Variants in NRG1 observed in about 807,000 individuals in gnomAD.
The protein encoded by NRG1 is neuregulin 1.
Under a neutral mutation model 63.8 loss-of-function variants are expected in NRG1, and 18 were observed. The ratio of observed to expected loss-of-function variants is 0.28; its 90% CI spans 0.19 to 0.42. The LOEUF is 0.42. Among genes scored for constraint, NRG1 ranks in the 10% least tolerant of loss-of-function variants. The pLI, the probability that NRG1 is intolerant of heterozygous loss-of-function variation, is 1.00. For synonymous variants in NRG1, 302 were observed against 301.3 expected (o/e 1.00, Z -0.02); for missense variants, 762 against 814.7 (o/e 0.94, Z 0.79).
chr8:31,934,315 GTATATATATGTGTGTGTATATATACA>G (rs1835105636), intron 1 of NRG1, among the ~76,000 whole-genome samples: 1 of 149,988 alleles, frequency 6.7e-6, no homozygotes, highest in Non-Finnish European at 1.5e-5. Flanking sequence ...GTACATGTGT[GTATATATATGTGTGTGTATATATACA>G]TATATATGTG....
chr8:32,682,999 A>C (rs1809100261), intron 5 of NRG1, among the ~76,000 whole-genome samples: 4 of 152,162 alleles, frequency 2.6e-5, no homozygotes, highest in Admixed American at 2.6e-4. Context: ...AAATACTATC[A>C]CAGCCATTTA....
intron 1 of NRG1, among the ~76,000 whole-genome samples, chr8:32,055,748 C>A (rs527717440): frequency 4.0e-5 from 6 of 150,544 alleles, no homozygotes; most frequent in Non-Finnish European, 8.8e-5. Flanking sequence ...TATCTTTTAA[C>A]TCAGAGGTAT....
At chr8:31,966,161 A>T (rs1414100106) in intron 1 of NRG1, among the ~76,000 whole-genome samples, 1 of 152,204 alleles carries the variant, frequency 6.6e-6, no homozygotes, top group Non-Finnish European at 1.5e-5. Flanking sequence ...AAGGCAGATG[A>T]CCATAACTAG....
intron 1 of NRG1, among the ~76,000 whole-genome samples, chr8:32,134,048 C>G (rs1357319467): frequency 6.6e-6 from 1 of 152,106 alleles, no homozygotes; most frequent in Non-Finnish European, 1.5e-5. Context: ...TGGTGCCCAG[C>G]TTATAGGTGG....
chr8:32,227,301 A>G (rs1846428121), intron 1 of NRG1, among the ~76,000 whole-genome samples: 1 of 152,198 alleles, frequency 6.6e-6, no homozygotes. Flanking sequence ...AATAAAATGC[A>G]TTATAAGCAT....
intron 1 of NRG1, among the ~76,000 whole-genome samples, chr8:32,258,995 C>T (rs1262175542): frequency 6.6e-6 from 1 of 152,102 alleles, no homozygotes; most frequent in Non-Finnish European, 1.5e-5. Flanking sequence ...GTCAGCACAC[C>T]AGCTTATTAC....
intron 1 of NRG1, among the ~76,000 whole-genome samples, chr8:31,813,622 A>T (rs556097829): frequency 6.6e-6 from 1 of 150,526 alleles, no homozygotes; most frequent in East Asian, 2.0e-4. Flanking sequence ...CCTGGGATCA[A>T]GTGACTCCCC....
chr8:32,164,883 G>C (rs1252468707), intron 1 of NRG1, among the ~76,000 whole-genome samples: 1 of 152,054 alleles, frequency 6.6e-6, no homozygotes, highest in Non-Finnish European at 1.5e-5. Flanking sequence ...ATATCCTGTT[G>C]CCTCTATATT....
intron 1 of NRG1, among the ~76,000 whole-genome samples, chr8:32,425,833 G>A (rs11773910): frequency 0.015 from 2,287 of 152,276 alleles, 27 homozygotes; most frequent in Non-Finnish European, 0.022. Flanking sequence ...TTATTTATTT[G>A]GAATAGGAAG....
intron 1 of NRG1, among the ~76,000 whole-genome samples, chr8:32,243,602 C>T (rs1848333021): frequency 1.3e-5 from 2 of 152,072 alleles, no homozygotes; most frequent in Non-Finnish European, 2.9e-5. Context: ...AATTCAAATC[C>T]ATAGCACATA....
chr8:32,284,477 C>CCCTGCCTGCCTG (rs202212855), intron 1 of NRG1, among the ~76,000 whole-genome samples: 2,011 of 141,098 alleles, frequency 0.014, 45 homozygotes, highest in African/African-American at 0.034. Context: ...ATGCTTGCCT[C>CCCTGCCTGCCTG]CCTGCCTGCC....
chr8:32,271,952 G>A (rs995036177), intron 1 of NRG1, among the ~76,000 whole-genome samples: 3 of 152,066 alleles, frequency 2.0e-5, no homozygotes, highest in Admixed American at 6.6e-5. Context: ...TTATTTTAAG[G>A]GCTGATAGAA....
chr8:32,536,868 G>A, intron 1 of NRG1, among the ~76,000 whole-genome samples: 1 of 144,878 alleles, frequency 6.9e-6, no homozygotes, highest in Non-Finnish European at 1.5e-5. Flanking sequence ...AGCTTGCAGT[G>A]AGCGGAGATG....
intron 1 of NRG1, among the ~76,000 whole-genome samples, chr8:32,453,831 CCA>C (rs963001186): frequency 6.6e-6 from 1 of 152,172 alleles, no homozygotes; most frequent in Non-Finnish European, 1.5e-5. Context: ...CAACCCATCC[CCA>C]GTCAGCTGCA....
chr8:31,662,656 C>T (rs1806113232), intron 1 of NRG1, among the ~76,000 whole-genome samples: 2 of 152,122 alleles, frequency 1.3e-5, no homozygotes, highest in Non-Finnish European at 1.5e-5. Context: ...CTCATCCTAC[C>T]AACTTAATAG....
chr8:32,219,822 G>A (rs531861504), intron 1 of NRG1, among the ~76,000 whole-genome samples: 3 of 152,254 alleles, frequency 2.0e-5, no homozygotes, highest in African/African-American at 7.2e-5. Context: ...CTAAAACCCC[G>A]TTTGTTTAAT....
At chr8:32,438,490 A>G (rs1819069716) in intron 1 of NRG1, among the ~76,000 whole-genome samples, 1 of 152,138 alleles carries the variant, frequency 6.6e-6, no homozygotes, top group Non-Finnish European at 1.5e-5. Context: ...TGCTATAAAT[A>G]CTCATACACA....
rs550689833 is a variant in NRG1, at chr8:32,515,196, C to T, written c.38-80632C>T. 3.9e-5 allele frequency among the ~76,000 whole-genome samples: 6 copies of T among 152,220 alleles called. No individual in the cohort carries two copies. In the East Asian group the frequency reaches 9.7e-4, roughly 25 times the overall value. Reference sequence around the variant, plus strand: ...AGTTCTTTGAGAAATTTCCAAACTGCTTTTCACAGTGGCTGAACTAATTTA... The same window carrying T: ...AGTTCTTTGAGAAATTTCCAAACTGTTTTTCACAGTGGCTGAACTAATTTA... On this transcript the variant is annotated intron_variant, in intron 1 of 10. Coordinates refer to the NRG1 transcript ENST00000519301.
intron 1 of NRG1, among the ~76,000 whole-genome samples, chr8:31,752,843 G>A (rs553300103): frequency 8.5e-5 from 13 of 152,170 alleles, no homozygotes; most frequent in Non-Finnish European, 1.6e-4. Context: ...ATGAAGTAAT[G>A]TCTGTAAAGG....
Sources: gnomAD v4.1 joint callset for allele counts (sites outside exome capture counted in the v4.1 genomes callset) on GRCh38, gnomAD v4.1.1 for gene constraint, MANE v1.5 for transcripts, NCBI Gene and HGNC (gene_info 2026-07-23, HGNC 2026-07-21) for gene names.